SCMH1: variants seen among roughly 807,000 people sequenced by gnomAD.
SCMH1 encodes the protein Scm polycomb group protein homolog 1, also known as polycomb protein SCMH1.
In SCMH1, 37 loss-of-function variants were observed where a neutral mutation model predicts 70.8. The observed-to-expected ratio is 0.52, with a 90% CI of 0.40 to 0.69. The LOEUF (loss-of-function observed/expected upper bound fraction) is 0.69, where lower values mean the gene tolerates loss of function less well. Ranked by LOEUF, SCMH1 falls within the 30% of genes least tolerant of loss-of-function variation. The probability of loss-of-function intolerance (pLI) is 0.00; values close to 1 mark genes in which losing one functional copy is unlikely to be tolerated. For synonymous variants in SCMH1, 292 were observed against 307.4 expected (o/e 0.95, Z 0.52); for missense variants, 607 against 827.3 (o/e 0.73, Z 3.27).
chr1:41,218,062 A>G (rs750681903), intron 1 of SCMH1, among the ~76,000 whole-genome samples: 2 of 152,238 alleles, frequency 1.3e-5, no homozygotes, highest in Non-Finnish European at 2.9e-5. Flanking sequence ...AGGCTCACTC[A>G]TATCTGATTT....
At chr1:41,205,142 G>A (rs1573043916) in intron 1 of SCMH1, among the ~76,000 whole-genome samples, 2 of 152,218 alleles carry the variant, frequency 1.3e-5, no homozygotes, top group African/African-American at 4.8e-5. Context: ...GAATACGGGT[G>A]ATTTCTGCAT....
chr1:41,214,395 T>C (rs1168300660), intron 1 of SCMH1, among the ~76,000 whole-genome samples: 1 of 152,288 alleles, frequency 6.6e-6, no homozygotes, highest in East Asian at 1.9e-4. Context: ...AAGTCCTTTA[T>C]AATTTTCAAC....
chr1:41,175,181 C>T (rs1647034518), intron 2 of SCMH1, among the ~76,000 whole-genome samples: 1 of 152,224 alleles, frequency 6.6e-6, no homozygotes, highest in South Asian at 2.1e-4. Flanking sequence ...AGATTGCCCT[C>T]ACCAATGTGT....
intron 8 of SCMH1, among the ~76,000 whole-genome samples, chr1:41,087,796 G>A (rs989503991): frequency 5.3e-5 from 8 of 151,978 alleles, no homozygotes; most frequent in African/African-American, 1.5e-4. Flanking sequence ...CAAGAATACC[G>A]CTTCTGGTCA....
chr1:41,136,658 C>T (rs1643383620), intron 6 of SCMH1, among the ~76,000 whole-genome samples: 2 of 152,020 alleles, frequency 1.3e-5, no homozygotes, highest in South Asian at 4.1e-4. Context: ...AGGTGTGAGC[C>T]ATTGTGCCCG....
At chr1:41,050,422 C>T (rs1043331539) in intron 10 of SCMH1, among the ~76,000 whole-genome samples, 2 of 152,176 alleles carry the variant, frequency 1.3e-5, no homozygotes, top group African/African-American at 2.4e-5. Context: ...CCTTGGGTCT[C>T]AGGTTCACCA....
chr1:41,091,681 G>C (rs1461514756), intron 8 of SCMH1, among the ~76,000 whole-genome samples: 6 of 152,164 alleles, frequency 3.9e-5, no homozygotes, highest in Non-Finnish European at 7.3e-5. Flanking sequence ...CGCAACTTCA[G>C]CAAAGTCTCA....
intron 1 of SCMH1, among the ~76,000 whole-genome samples, chr1:41,212,694 G>A (rs1468970527): frequency 1.3e-5 from 2 of 152,188 alleles, no homozygotes; most frequent in African/African-American, 4.8e-5. Flanking sequence ...AAACGGTCAT[G>A]ATAGAAAATA....
chr1:41,200,622 CTAAAT>C (rs1460711694), intron 1 of SCMH1, among the ~76,000 whole-genome samples: 7 of 151,582 alleles, frequency 4.6e-5, no homozygotes, highest in Non-Finnish European at 1.0e-4. Context: ...CATAAACATA[CTAAAT>C]TAGTCTCATT....
intron 1 of SCMH1, among the ~76,000 whole-genome samples, chr1:41,194,865 G>C (rs1652617266): frequency 6.6e-6 from 1 of 152,036 alleles, no homozygotes; most frequent in African/African-American, 2.4e-5. Context: ...AGATAGGCTG[G>C]GCATGGTGGC....
chr1:41,045,249 TGAG>T (rs1242361175), intron 12 of SCMH1, among the ~76,000 whole-genome samples: 7 of 152,064 alleles, frequency 4.6e-5, no homozygotes, highest in African/African-American at 1.4e-4. Context: ...ATGGGTTAGG[TGAG>T]GAGAAGTTCC....
At chr1:41,201,409 A>C (rs1654329618) in intron 1 of SCMH1, among the ~76,000 whole-genome samples, 1 of 152,202 alleles carries the variant, frequency 6.6e-6, no homozygotes, top group Admixed American at 6.5e-5. Flanking sequence ...AGAAGGTTAG[A>C]ACTCAAGTGT....
chr1:41,173,805 T>G (rs1646944246), intron 2 of SCMH1, among the ~76,000 whole-genome samples: 1 of 152,168 alleles, frequency 6.6e-6, no homozygotes, highest in Admixed American at 6.5e-5. Context: ...AATTTTGTAA[T>G]TTGTGGCAAC....
At position 41,229,014 on chromosome 1, in the gene SCMH1, G is replaced by A. The variant is rs559725397; in HGVS notation, c.-118+13045C>T. ...AGTTCGAAACCAGCCTGACCAACAC[G>A]GTGAAACCGTATCTCTACTAAAAAG... On this transcript the variant is annotated intron_variant, in intron 1 of 14. Transcript: ENST00000337495. Among the ~76,000 whole-genome samples, 246 of 152,180 alleles carry A rather than the reference G, an allele frequency of 1.6e-3. 1 individual carries two copies. The highest frequency in any genetic ancestry group is 3.4e-3 in the Middle Eastern group (1 of 294).
At chr1:41,207,394 GTC>G (rs1233852206) in intron 1 of SCMH1, among the ~76,000 whole-genome samples, 1 of 152,116 alleles carries the variant, frequency 6.6e-6, no homozygotes, top group African/African-American at 2.4e-5. Context: ...TGCAATCCTA[GTC>G]TCTGATAAAA....
At chr1:41,043,589 ATTTTTTT>A (rs71062570) in intron 12 of SCMH1, 16 of 135,294 alleles carry the variant, frequency 1.2e-4, no homozygotes, top group Admixed American at 1.1e-3. Context: ...CGCCCGGCTA[ATTTTTTT>A]TTTTTTTTTT....
chr1:41,227,046 C>T (rs1660402451), intron 1 of SCMH1, among the ~76,000 whole-genome samples: 1 of 152,240 alleles, frequency 6.6e-6, no homozygotes. Flanking sequence ...CCAACACTCT[C>T]ACCACGGATC....
chr1:41,187,459 C>CAA (rs34070758), intron 1 of SCMH1, among the ~76,000 whole-genome samples: 207 of 128,842 alleles, frequency 1.6e-3, no homozygotes, highest in African/African-American at 6.1e-3. Context: ...GAGACTTGGT[C>CAA]AAAAAAAAAA....
chr1:41,068,415 T>C (rs1462530057), intron 10 of SCMH1, among the ~76,000 whole-genome samples: 13 of 152,256 alleles, frequency 8.5e-5, no homozygotes, highest in Non-Finnish European at 1.5e-5. Flanking sequence ...AAGAATTTTT[T>C]TTTCTTTTGA....
Sources: gnomAD v4.1 joint callset for allele counts (sites outside exome capture counted in the v4.1 genomes callset) on GRCh38, gnomAD v4.1.1 for gene constraint, MANE v1.5 for transcripts, NCBI Gene and HGNC (gene_info 2026-07-23, HGNC 2026-07-21) for gene names.